Variants in DLGAP1 observed in about 807,000 individuals in gnomAD.
DLGAP1 encodes the protein DLG associated protein 1, also known as disks large-associated protein 1.
In DLGAP1, 11 loss-of-function variants were observed where a neutral mutation model predicts 90.8. The ratio of observed to expected loss-of-function variants is 0.12; its 90% CI spans 0.08 to 0.20. DLGAP1 has a LOEUF of 0.20. Among genes scored for constraint, DLGAP1 ranks in the 10% least tolerant of loss-of-function variants. DLGAP1 has a pLI of 1.00. For synonymous variants in DLGAP1, 558 were observed against 540.7 expected (o/e 1.03, Z -0.44); for missense variants, 1,050 against 1,333.8 (o/e 0.79, Z 3.31).
At chr18:3,854,800 C>T (rs975740981) in intron 4 of DLGAP1, among the ~76,000 whole-genome samples, 7 of 152,166 alleles carry the variant, frequency 4.6e-5, no homozygotes, top group African/African-American at 1.7e-4. Context: ...TGTGAGGCAG[C>T]CTGACATGAT....
chr18:4,389,033 A>C (rs1204362713), intron 1 of DLGAP1, among the ~76,000 whole-genome samples: 1 of 152,182 alleles, frequency 6.6e-6, no homozygotes, highest in Admixed American at 6.5e-5. Flanking sequence ...CATTGAAAGC[A>C]ATGTCTTGAA....
chr18:3,826,840 G>C (rs1401536803), intron 4 of DLGAP1, among the ~76,000 whole-genome samples: 1 of 152,148 alleles, frequency 6.6e-6, no homozygotes, highest in African/African-American at 2.4e-5. Context: ...ACCCTTGGAG[G>C]CTCATGCAAT....
At chr18:3,801,691 C>T (rs1419552119) in intron 5 of DLGAP1, among the ~76,000 whole-genome samples, 5 of 151,944 alleles carry the variant, frequency 3.3e-5, no homozygotes, top group Non-Finnish European at 5.9e-5. Context: ...TACTATTCTT[C>T]AAGGTGATTT....
chr18:3,666,125 C>G (rs2059874103), intron 7 of DLGAP1, among the ~76,000 whole-genome samples: 1 of 152,160 alleles, frequency 6.6e-6, no homozygotes, highest in South Asian at 2.1e-4. Flanking sequence ...CAATGTGATC[C>G]AGGCTACCCG....
intron 4 of DLGAP1, among the ~76,000 whole-genome samples, chr18:3,817,528 G>A (rs891001281): frequency 6.6e-6 from 1 of 152,080 alleles, no homozygotes; most frequent in Non-Finnish European, 1.5e-5. Flanking sequence ...TCCGTTCTAG[G>A]GAAAGTGTAA....
At chr18:3,772,336 CTCTCTCTCTCTCTTTCTTTCTTTCTT>C (rs1219878351) in intron 5 of DLGAP1, among the ~76,000 whole-genome samples, 7 of 41,100 alleles carry the variant, frequency 1.7e-4, no homozygotes, top group Admixed American at 5.7e-4. Flanking sequence ...CTCTCCTTCT[CTCTCTCTCTCTCTTTCTTTCTTTCTT>C]TCTTTCTTTC....
intron 5 of DLGAP1, among the ~76,000 whole-genome samples, chr18:3,806,892 C>T (rs2066592159): frequency 6.6e-6 from 1 of 152,164 alleles, no homozygotes; most frequent in African/African-American, 2.4e-5. Flanking sequence ...GTCTGCCATC[C>T]TTTGAAGAAG....
intron 9 of DLGAP1, among the ~76,000 whole-genome samples, chr18:3,566,318 A>C (rs2054424534): frequency 6.6e-6 from 1 of 152,080 alleles, no homozygotes; most frequent in Non-Finnish European, 1.5e-5. Flanking sequence ...CTGGGCTTCC[A>C]GCATTGCATA....
intron 3 of DLGAP1, among the ~76,000 whole-genome samples, chr18:3,907,932 C>A (rs1408660913): frequency 6.6e-6 from 1 of 152,174 alleles, no homozygotes; most frequent in East Asian, 1.9e-4. Context: ...GGCTTCATGG[C>A]AGCACAATTC....
chr18:4,341,664 C>T (rs1355386730), intron 1 of DLGAP1, among the ~76,000 whole-genome samples: 3 of 152,062 alleles, frequency 2.0e-5, no homozygotes, highest in African/African-American at 7.2e-5. Context: ...TTCCAAGAAA[C>T]AAGAAAAGCA....
chr18:4,440,355 G>A (rs2083504488), intron 1 of DLGAP1, among the ~76,000 whole-genome samples: 1 of 151,350 alleles, frequency 6.6e-6, no homozygotes, highest in Non-Finnish European at 1.5e-5. Context: ...TTCAATACAT[G>A]TATATAAAAA....
chr18:4,092,902 C>A (rs956873698), intron 2 of DLGAP1, among the ~76,000 whole-genome samples: 1 of 152,316 alleles, frequency 6.6e-6, no homozygotes, highest in African/African-American at 2.4e-5. Context: ...TGGCCTTTAG[C>A]AATTTGTTAA....
chr18:3,680,285 G>A (rs904787332), intron 7 of DLGAP1: 1 of 152,350 alleles, frequency 6.6e-6, no homozygotes, highest in African/African-American at 2.4e-5. Context: ...GCCACAGGAA[G>A]AGCAGCTATG....
chr18:3,770,955 T>A (rs1015706254), intron 5 of DLGAP1: 1 of 152,352 alleles, frequency 6.6e-6, no homozygotes, highest in East Asian at 1.9e-4. Context: ...AGTAATTTCT[T>A]ATGCCTTGGG....
chr18:4,030,259 TTGTC>T (rs2074773928), intron 2 of DLGAP1, among the ~76,000 whole-genome samples: 1 of 152,204 alleles, frequency 6.6e-6, no homozygotes, highest in Non-Finnish European at 1.5e-5. Flanking sequence ...GAAAATATTT[TTGTC>T]TGTCTTATTC....
chr18:4,429,004 C>T (rs2083220006), intron 1 of DLGAP1, among the ~76,000 whole-genome samples: 1 of 152,176 alleles, frequency 6.6e-6, no homozygotes, highest in African/African-American at 2.4e-5. Context: ...ATAATTAGCA[C>T]AGCCAGGGCA....
chr18:3,923,054 A>G (rs566618428), intron 3 of DLGAP1, among the ~76,000 whole-genome samples: 8 of 148,814 alleles, frequency 5.4e-5, no homozygotes, highest in Non-Finnish European at 1.2e-4. Context: ...GGATCACTTG[A>G]ACCCAGGAGG....
At chr18:3,607,062 C>T (rs1399269354) in intron 7 of DLGAP1, 1 of 152,254 alleles carries the variant, frequency 6.6e-6, no homozygotes, top group African/African-American at 2.4e-5. Flanking sequence ...CTCCTGACTT[C>T]AGGTGATTGA....
At chr18:4,260,297 A>G (rs1381806376) in intron 1 of DLGAP1, among the ~76,000 whole-genome samples, 2 of 152,192 alleles carry the variant, frequency 1.3e-5, no homozygotes, top group Non-Finnish European at 2.9e-5. Context: ...AATAGGATGA[A>G]CACAGAGGCA....
Sources: gnomAD v4.1 joint callset for allele counts (sites outside exome capture counted in the v4.1 genomes callset) on GRCh38, gnomAD v4.1.1 for gene constraint, MANE v1.5 for transcripts, NCBI Gene and HGNC (gene_info 2026-07-23, HGNC 2026-07-21) for gene names.